CDC42EP3: variants seen among roughly 807,000 people sequenced by gnomAD.
The protein encoded by CDC42EP3 is CDC42 effector protein (Rho GTPase binding) 3.
In CDC42EP3, 4 loss-of-function variants were observed where a neutral mutation model predicts 15.5. The observed-to-expected ratio is 0.26, with a 90% CI of 0.13 to 0.59. The LOEUF (loss-of-function observed/expected upper bound fraction) is 0.59. Ranked by LOEUF, CDC42EP3 falls within the 20% of genes least tolerant of loss-of-function variation. The pLI, the probability that CDC42EP3 is intolerant of heterozygous loss-of-function variation, is 0.89. For synonymous variants in CDC42EP3, 145 were observed against 130.3 expected, an observed-to-expected ratio of 1.11 and a Z score of -0.77; for missense variants, 309 against 311.2, an observed-to-expected ratio of 0.99 and a Z score of 0.05.
chr2:37,669,546 G>A (rs1254666869), intron 1 of CDC42EP3, among the ~76,000 whole-genome samples: 2 of 152,204 alleles, frequency 1.3e-5, no homozygotes, highest in African/African-American at 2.4e-5. Flanking sequence ...ATAGAGATAC[G>A]TGAAACAATT....
intron 1 of CDC42EP3, among the ~76,000 whole-genome samples, chr2:37,658,975 T>C (rs1393663687): frequency 6.6e-6 from 1 of 152,222 alleles, no homozygotes; most frequent in African/African-American, 2.4e-5. Context: ...ATAAAATAGC[T>C]TGTGAAGCCC....
chr2:37,642,668 CA>C lies in CDC42EP3; in HGVS notation c.*3154del, dbSNP rs1406700106. On this transcript the variant is annotated 3_prime_UTR_variant, in exon 2 of 2. Transcript: ENST00000295324. Reference sequence around the variant, plus strand: ...TTAGGAGGATTAGAACTACATCACTCAATATTTTCTTTTGTCTGTTCTAAAA... The same window carrying C: ...TTAGGAGGATTAGAACTACATCACTCATATTTTCTTTTGTCTGTTCTAAAA... 2.0e-5 allele frequency: 3 copies of C among 152,128 alleles called. No homozygotes were observed. Among genetic ancestry groups the C allele is most frequent in the Admixed American group, 2.0e-4 (3 of 15,278 alleles). The allele number at this position is 152,128 out of a possible 1,614,324, so 9.4% of individuals were successfully genotyped here. A position where few individuals can be genotyped will look rare whatever the true frequency, so the allele number is the denominator to read the frequency against.
At chr2:37,660,023 T>G (rs1666007134) in intron 1 of CDC42EP3, among the ~76,000 whole-genome samples, 1 of 152,160 alleles carries the variant, frequency 6.6e-6, no homozygotes, top group Non-Finnish European at 1.5e-5. Flanking sequence ...GTTACCTTCA[T>G]GTAAAATGGA....
intron 1 of CDC42EP3, among the ~76,000 whole-genome samples, chr2:37,654,485 A>C (rs955565784): frequency 5.9e-5 from 9 of 151,936 alleles, no homozygotes; most frequent in African/African-American, 1.9e-4. Context: ...CTACAAGGAA[A>C]GATTTTGGCT....
In CDC42EP3 at chr2:37,645,800, A is replaced by G; in HGVS notation, c.*23T>C. 1 of 1,509,520 alleles carries G rather than the reference A, an allele frequency of 6.6e-7. No homozygotes were observed. Among genetic ancestry groups the G allele is most frequent in the Non-Finnish European group, 8.8e-7 (1 of 1,130,312 alleles). The allele number at this position is 1,509,520 out of a possible 1,614,324, so 93.5% of individuals were successfully genotyped here. On this transcript the variant is annotated 3_prime_UTR_variant, in exon 2 of 2. Transcript: ENST00000295324. ...AGTTTGTTTTTGTACCTTTTACCCC[A>G]AAGGAAAAAAGTTGGCATCTTGTTA...
At chr2:37,658,370 C>G (rs11883958) in intron 1 of CDC42EP3, among the ~76,000 whole-genome samples, 46,981 of 151,968 alleles carry the variant, frequency 0.31, 7,757 homozygotes, top group East Asian at 0.59. Flanking sequence ...GCTTGCATGG[C>G]GGTTGTGTGT....
intron 1 of CDC42EP3, among the ~76,000 whole-genome samples, chr2:37,666,244 G>A (rs1666246496): frequency 6.6e-6 from 1 of 152,192 alleles, no homozygotes; most frequent in Admixed American, 6.5e-5. Context: ...TGCTCAGTGG[G>A]CAAAACCATT....
chr2:37,653,904 G>C (rs57508273), intron 1 of CDC42EP3, among the ~76,000 whole-genome samples: 3,756 of 152,268 alleles, frequency 0.025, 116 homozygotes, highest in African/African-American at 0.071. Flanking sequence ...CTTGCAGGAA[G>C]TGAGCCTGCA....
chr2:37,659,899 C>T (rs1033035335), intron 1 of CDC42EP3, among the ~76,000 whole-genome samples: 12 of 152,156 alleles, frequency 7.9e-5, no homozygotes, highest in African/African-American at 2.2e-4. Context: ...ACCGACTGTA[C>T]GGGCCAACGA....
chr2:37,663,859 T>G (rs1666161139), intron 1 of CDC42EP3, among the ~76,000 whole-genome samples: 1 of 152,140 alleles, frequency 6.6e-6, no homozygotes, highest in Non-Finnish European at 1.5e-5. Context: ...TCTAATCAGC[T>G]GCCAGCGTGG....
chr2:37,651,702 G>A (rs556059692), intron 1 of CDC42EP3, among the ~76,000 whole-genome samples: 1 of 152,360 alleles, frequency 6.6e-6, no homozygotes, highest in Admixed American at 6.5e-5. Flanking sequence ...GGGAGAGGAT[G>A]CAGGAGGAGC....
At chr2:37,649,640 G>A (rs1665601479) in intron 1 of CDC42EP3, among the ~76,000 whole-genome samples, 2 of 151,818 alleles carry the variant, frequency 1.3e-5, no homozygotes, top group Admixed American at 6.6e-5. Flanking sequence ...GGGCCCAGTC[G>A]GTAGGCTGGT....
chr2:37,652,038 G>A (rs1263815251), intron 1 of CDC42EP3, among the ~76,000 whole-genome samples: 4 of 151,912 alleles, frequency 2.6e-5, no homozygotes, highest in Non-Finnish European at 1.5e-5. Flanking sequence ...AGCCGGGCCT[G>A]GTGGCAGGCG....
Position 37,645,958 on chromosome 2 carries a change from T to C in CDC42EP3, c.630A>G (p.Pro210=), listed in dbSNP as rs879075875. The change falls in exon 2 of 2, where the codon CCA becomes CCG. Residue 210 remains proline (P), a synonymous_variant. Transcript: ENST00000295324. ...TAGTCTTTCCCTTGATGAGCTCGCA[T>C]GGGGTGGGATGGTCAAACATGTCCT... ...PAEDMFDHPT[P]CELIKGKTKS... 1.2e-6 allele frequency: 2 copies of C among 1,613,928 alleles called. No individual in the cohort carries two copies. The highest frequency in any genetic ancestry group is 2.2e-5 in the South Asian group (2 of 91,084).
chr2:37,659,715 T>C (rs1439888477), intron 1 of CDC42EP3, among the ~76,000 whole-genome samples: 1 of 152,194 alleles, frequency 6.6e-6, no homozygotes, highest in Non-Finnish European at 1.5e-5. Flanking sequence ...AGGAGATGTG[T>C]TAAGGGAGAA....
upstream of CDC42EP3, chr2:37,672,189 C>G (rs965117978): frequency 1.3e-5 from 2 of 152,086 alleles, no homozygotes; most frequent in Non-Finnish European, 2.9e-5. Context: ...GCCCGGGCTC[C>G]GGTGGGCGCG....
At position 37,649,076 on chromosome 2, in the gene CDC42EP3, T is replaced by TA. The variant is rs112109458; in HGVS notation, c.-235-2255dup. 4.1e-3 allele frequency among the ~76,000 whole-genome samples: 556 copies of TA among 135,908 alleles called. 2 individuals are homozygous for TA. Among genetic ancestry groups the TA allele is most frequent in the East Asian group, 8.5e-3 (39 of 4,608 alleles). The allele number at this position is 135,908 out of a possible 152,430, so 89.2% of individuals were successfully genotyped here. A position where few individuals can be genotyped will look rare whatever the true frequency, so the allele number is the denominator to read the frequency against. On this transcript the variant is annotated intron_variant, in intron 1 of 1. Transcript: ENST00000295324. The stretch of plus-strand genomic sequence containing the variant: ...CCCAGGGCAGGGGGTTCCAATTATT[T>TA]AAAAAAAAAAAAAAAAATCGATCAC...
intron 1 of CDC42EP3, among the ~76,000 whole-genome samples, chr2:37,656,745 G>C (rs1442683954): frequency 6.6e-6 from 1 of 152,152 alleles, no homozygotes; most frequent in Non-Finnish European, 1.5e-5. Context: ...TATGTATCTT[G>C]AAGTCTGACA....
chr2:37,658,374 T>A (rs1665951089), intron 1 of CDC42EP3, among the ~76,000 whole-genome samples: 1 of 152,190 alleles, frequency 6.6e-6, no homozygotes, highest in African/African-American at 2.4e-5. Flanking sequence ...GCATGGCGGT[T>A]GTGTGTGGCC....
Sources: gnomAD v4.1 joint callset for allele counts (sites outside exome capture counted in the v4.1 genomes callset) on GRCh38, gnomAD v4.1.1 for gene constraint, MANE v1.5 for transcripts, NCBI Gene and HGNC (gene_info 2026-07-23, HGNC 2026-07-21) for gene names.